The following MED13L variants were observed in gnomAD, a reference collection of about 807,000 sequenced individuals.
MED13L encodes mediator of RNA polymerase II transcription subunit 13-like.
In MED13L, 7 loss-of-function variants were observed where a neutral mutation model predicts 220.9. The observed-to-expected ratio is 0.03, with a 90% CI of 0.02 to 0.06. The LOEUF is 0.06. MED13L is among the 10% of genes least tolerant of loss of function. MED13L has a pLI of 1.00. For synonymous variants in MED13L, 1,011 were observed against 1,015.2 expected (o/e 1.00, Z 0.08); for missense variants, 1,965 against 2,760.5 (o/e 0.71, Z 6.46).
At chr12:116,089,305 G>A (rs1183320565) in intron 4 of MED13L, among the ~76,000 whole-genome samples, 1 of 152,118 alleles carries the variant, frequency 6.6e-6, no homozygotes, top group Non-Finnish European at 1.5e-5. Flanking sequence ...CAATCCTCCT[G>A]CCTCAGTCTC....
intron 2 of MED13L, among the ~76,000 whole-genome samples, chr12:116,112,287 C>G (rs1359211033): frequency 6.6e-6 from 1 of 152,086 alleles, no homozygotes; most frequent in Non-Finnish European, 1.5e-5. Context: ...CAATGCAAGA[C>G]AGCAAAAAAT....
intron 2 of MED13L, among the ~76,000 whole-genome samples, chr12:116,120,660 A>G (rs1235169583): frequency 1.3e-5 from 2 of 152,004 alleles, no homozygotes; most frequent in African/African-American, 4.8e-5. Context: ...AGAAAGTCCT[A>G]TCTTTATGAA....
At chr12:116,194,830 A>G (rs1881515187) in intron 2 of MED13L, among the ~76,000 whole-genome samples, 1 of 152,220 alleles carries the variant, frequency 6.6e-6, no homozygotes, top group African/African-American at 2.4e-5. Flanking sequence ...ATACAAAGCA[A>G]CAACAGGCAA....
intron 2 of MED13L, among the ~76,000 whole-genome samples, chr12:116,142,181 G>A (rs1877135132): frequency 6.6e-6 from 1 of 152,018 alleles, no homozygotes; most frequent in African/African-American, 2.4e-5. Context: ...TCAGCATCTG[G>A]TATATTTTAT....
At chr12:116,090,228 T>C (rs1565872113) in intron 4 of MED13L, among the ~76,000 whole-genome samples, 1 of 152,200 alleles carries the variant, frequency 6.6e-6, no homozygotes, top group African/African-American at 2.4e-5. Flanking sequence ...TAAGACACCT[T>C]AAGCAAAGGT....
At chr12:116,265,375 C>A (rs1302155267) in intron 1 of MED13L, among the ~76,000 whole-genome samples, 1 of 152,204 alleles carries the variant, frequency 6.6e-6, no homozygotes, top group Non-Finnish European at 1.5e-5. Context: ...TTACACAGTT[C>A]AACAATTCTA....
intron 4 of MED13L, among the ~76,000 whole-genome samples, chr12:116,047,605 G>C (rs1000881426): frequency 3.3e-5 from 5 of 152,076 alleles, no homozygotes; most frequent in Non-Finnish European, 7.4e-5. Context: ...AAGATAACCA[G>C]GAAATAAAAA....
chr12:116,160,519 A>C (rs1878774671), intron 2 of MED13L, among the ~76,000 whole-genome samples: 1 of 151,388 alleles, frequency 6.6e-6, no homozygotes, highest in Non-Finnish European at 1.5e-5. Context: ...TGGACAAGAC[A>C]CTCAGCTCCT....
intron 10 of MED13L, chr12:116,007,883 G>A: frequency 3.9e-6 from 2 of 511,540 alleles, no homozygotes; most frequent in South Asian, 2.3e-5. Flanking sequence ...TTCCATCTGT[G>A]TCATTTACTA....
chr12:116,101,358 T>C (rs1873049299), intron 3 of MED13L, among the ~76,000 whole-genome samples: 1 of 152,248 alleles, frequency 6.6e-6, no homozygotes, highest in Non-Finnish European at 1.5e-5. Flanking sequence ...GTATGCTCTA[T>C]ATTGGGAGGT....
chr12:116,250,918 G>A (rs941271013), intron 1 of MED13L, among the ~76,000 whole-genome samples: 2 of 151,578 alleles, frequency 1.3e-5, no homozygotes, highest in East Asian at 1.9e-4. Context: ...GACAACAATA[G>A]CACAAAGGCC....
chr12:115,975,821 A>C lies in MED13L; in HGVS notation c.5365-83T>G, dbSNP rs1876898937. 2.3e-6 allele frequency: 3 copies of C among 1,291,196 alleles called. No homozygotes were observed. In the African/African-American group the frequency reaches 4.4e-5, roughly 19 times the overall value. 80.0% of individuals were successfully genotyped at this position (1,291,196 alleles called of 1,614,324 possible). ...CAAAATCCAGAACGACACTGAGGGG[A>C]CCCACAGGGAGTAATGGTAGTAAAT... On this transcript the variant is annotated intron_variant, in intron 23 of 30. Transcript: ENST00000281928.
chr12:116,014,748 A>G (rs1347582171), intron 8 of MED13L, among the ~76,000 whole-genome samples: 3 of 152,148 alleles, frequency 2.0e-5, no homozygotes, highest in Non-Finnish European at 4.4e-5. Context: ...CTTTCCCTTC[A>G]CAATAGGGAC....
chr12:116,275,621 T>C (rs756171095), intron 1 of MED13L, among the ~76,000 whole-genome samples: 1 of 152,226 alleles, frequency 6.6e-6, no homozygotes, highest in Non-Finnish European at 1.5e-5. Flanking sequence ...AATTACAATT[T>C]GAACACTAAA....
At position 115,984,252 on chromosome 12, in the gene MED13L, G is replaced by T. The variant is rs146112707; in HGVS notation, c.4459C>A (p.Pro1487Thr). ...TTGTCATTCTCCTCGCCGCTCCAAG[G>T]CTGGTTAAACCACTCACTCACAAGC... ...DELVSEWFNQ[P>T]WSGEENDNHS... Residue 1487 changes from proline to threonine, a missense_variant, in exon 20 of 31, where the codon CCT (proline) becomes ACT (threonine). Coordinates refer to ENST00000281928, the MANE Select transcript of MED13L (RefSeq NM_015335.5). The T allele has an allele frequency of 1.4e-4, 220 of 1,614,006 alleles. 1 individual carries two copies. The Middle Eastern group carries it at 2.3e-3, about 17-fold the overall frequency.
At chr12:115,975,079 A>G in intron 25 of MED13L, 92 bp downstream of exon 25, 1 of 1,318,464 alleles carries the variant, frequency 7.6e-7, no homozygotes. Context: ...AATTCTTACA[A>G]ATTTAAACAT....
intron 2 of MED13L, among the ~76,000 whole-genome samples, chr12:116,234,964 A>G (rs987303956): frequency 6.6e-6 from 1 of 152,162 alleles, no homozygotes; most frequent in African/African-American, 2.4e-5. Context: ...TGCTCCGCCT[A>G]TAATTTATTT....
At chr12:116,069,593 T>C (rs1189410862) in intron 4 of MED13L, among the ~76,000 whole-genome samples, 7 of 152,230 alleles carry the variant, frequency 4.6e-5, no homozygotes, top group Non-Finnish European at 1.0e-4. Flanking sequence ...TGTTCATTTG[T>C]AGTATTTTGT....
intron 2 of MED13L, among the ~76,000 whole-genome samples, chr12:116,176,611 G>T (rs1273220474): frequency 2.0e-5 from 3 of 152,050 alleles, no homozygotes; most frequent in African/African-American, 7.2e-5. Flanking sequence ...ATAAGCAGAG[G>T]CAACAACAAA....
Sources: allele counts gnomAD v4.1 joint callset (sites outside exome capture counted in the v4.1 genomes callset), GRCh38; gene constraint gnomAD v4.1.1; transcripts MANE v1.5; gene names NCBI Gene and HGNC (gene_info 2026-07-23, HGNC 2026-07-21).